Variants in FAM161A observed in about 807,000 individuals in gnomAD.
FAM161A encodes FAM161 centrosomal protein A.
In FAM161A, 57 loss-of-function variants were observed where a neutral mutation model predicts 70.9. The observed-to-expected ratio is 0.80, with a 90% CI of 0.65 to 1.00. The LOEUF is 1.00. Ranked by LOEUF, FAM161A falls within the 50% of genes least tolerant of loss-of-function variation. The pLI, the probability that FAM161A is intolerant of heterozygous loss-of-function variation, is 0.00. For synonymous variants in FAM161A, 299 were observed against 295.7 expected (o/e 1.01, Z -0.12); for missense variants, 880 against 836.0 (o/e 1.05, Z -0.65).
chr2:61,851,423 G>A (rs1052597388), intron 1 of FAM161A, among the ~76,000 whole-genome samples: 1 of 151,868 alleles, frequency 6.6e-6, no homozygotes, highest in South Asian at 2.1e-4. Flanking sequence ...TGCAACCTCC[G>A]CCTCCCGGGT....
chr2:61,814,837 T>G, the FAM161A span, among the ~76,000 whole-genome samples: 1 of 152,238 alleles, frequency 6.6e-6, no homozygotes, highest in South Asian at 2.1e-4. Context: ...TGCCAACCTC[T>G]TCTCCTTCAA....
the FAM161A span, among the ~76,000 whole-genome samples, chr2:61,815,599 G>A: frequency 7.3e-6 from 1 of 136,484 alleles, no homozygotes; most frequent in South Asian, 2.3e-4. Context: ...CACCCAGGCT[G>A]GAGTGCAGTG....
chr2:61,851,107 CA>C (rs772542587), intron 1 of FAM161A, among the ~76,000 whole-genome samples: 2 of 152,040 alleles, frequency 1.3e-5, no homozygotes, highest in African/African-American at 2.4e-5. Flanking sequence ...CTCCCAACCT[CA>C]GGTGATCCAC....
chr2:61,838,628 T>G lies in FAM161A; in HGVS notation c.1661A>C (p.Glu554Ala). 1 of 1,612,146 alleles carries G rather than the reference T, an allele frequency of 6.2e-7. No homozygotes were observed. Among genetic ancestry groups the G allele is most frequent in the Non-Finnish European group, 8.5e-7 (1 of 1,179,516 alleles). ...ILTKQKQRMKELQKLLTTRAK... is the reference protein window; with the variant it reads ...ILTKQKQRMKALQKLLTTRAK... ...CCGGGTTGTCAGGAGTTTCTGCAAT[T>G]CTTTCATTCTTTGCTTCTGTTTAGT... Residue 554 changes from glutamate to alanine, a missense_variant, in exon 4 of 7, where the codon GAA becomes GCA. By Grantham distance (107) the Glu-to-Ala change is moderately radical. Transcript: ENST00000404929.
At position 61,836,076 on chromosome 2, in the gene FAM161A, T is replaced by C. The variant is rs1266501595; in HGVS notation, c.1785A>G (p.Gln595=). ...KSEKERMREY[Q]RELEEREEKL... The stretch of plus-strand genomic sequence containing the variant: ...TTTCTTCTCTTTCTTCTAGTTCTCG[T>C]TGGTATTCTCTCATCCTTTCCTTTT... Residue 595 remains glutamine, a synonymous_variant, in exon 5 of 7, where the codon CAA becomes CAG. Transcript: ENST00000404929. The C allele has an allele frequency of 2.5e-6, 4 of 1,611,384 alleles. No individual in the cohort carries two copies. Among genetic ancestry groups the C allele is most frequent in the African/African-American group, 1.3e-5 (1 of 74,778 alleles).
chr2:61,835,923 A>C, intron 5 of FAM161A, 87 bp downstream of exon 5: 1 of 894,130 alleles, frequency 1.1e-6, no homozygotes, highest in Non-Finnish European at 1.8e-6. Context: ...ATAACACATA[A>C]GAAAAATGGA....
chr2:61,839,873 CTCT>C lies in FAM161A; in HGVS notation c.1128_1130del (p.Glu377del), dbSNP rs1218039364. On this transcript the variant is annotated inframe_deletion, in exon 3 of 7. Transcript: ENST00000404929. ...GCTGTGTCCTAAGGTTTCGATAGAG[CTCT>C]TCTTCTTTTAACTTGTCATTGGTAG... 2.0e-5 allele frequency: 33 copies of C among 1,614,092 alleles called. No homozygotes were observed. The highest frequency in any genetic ancestry group is 3.3e-4 in the Middle Eastern group (2 of 6,084).
chr2:61,832,156 G>A (rs1672598074), intron 5 of FAM161A, among the ~76,000 whole-genome samples: 1 of 150,608 alleles, frequency 6.6e-6, no homozygotes, highest in Non-Finnish European at 1.5e-5. Flanking sequence ...GAGGTGGGAA[G>A]ATTGCCTGAG....
At position 61,840,123 on chromosome 2, in the gene FAM161A, G is replaced by A. The variant is rs369599441; in HGVS notation, c.881C>T (p.Pro294Leu). 6.8e-6 allele frequency: 11 copies of A among 1,613,958 alleles called. No individual in the cohort carries two copies. The highest frequency in any genetic ancestry group is 7.6e-6 in the Non-Finnish European group (9 of 1,180,040). ...ANPVPASVFL[P>L]LYHDLVKQKE... ...TTGCTTGACTAAATCATGGTAAAGG[G>A]GGAGAAAGACAGATGCAGGAACTGG... The change falls in exon 3 of 7, where the codon CCC (proline) becomes CTC (leucine). Residue 294 changes from proline (P) to leucine (L), a missense_variant. By Grantham distance (98) the Pro-to-Leu change is moderately conservative. Coordinates refer to ENST00000404929, the MANE Select transcript of FAM161A (RefSeq NM_001201543.2).
downstream of FAM161A, chr2:61,820,349 C>T (rs774829862): frequency 1.1e-4 from 81 of 751,394 alleles, no homozygotes; most frequent in Admixed American, 4.3e-4. Context: ...GATCCCAACA[C>T]CAAGTGCTCC....
At chr2:61,826,730 A>T in intron 6 of FAM161A, 131 bp from the exon 7 acceptor site, 1 of 659,000 alleles carries the variant, frequency 1.5e-6, no homozygotes, top group Non-Finnish European at 2.2e-6. Context: ...TTACCAAGAC[A>T]ACTCAAAAAA....
chr2:61,838,752 T>C (rs1672869388), intron 3 of FAM161A, 47 bp from the exon 4 acceptor site: 2 of 1,375,732 alleles, frequency 1.5e-6, no homozygotes, highest in Admixed American at 2.6e-5. Flanking sequence ...CCAATCAGAA[T>C]GTTGTTTAGC....
the FAM161A span, among the ~76,000 whole-genome samples, chr2:61,811,753 GC>G: frequency 6.6e-6 from 1 of 151,914 alleles, no homozygotes; most frequent in Admixed American, 6.6e-5. Flanking sequence ...CAATCCTCCT[GC>G]CTCAACCTCC....
chr2:61,804,805 A>AG, the FAM161A span, among the ~76,000 whole-genome samples: 1 of 149,686 alleles, frequency 6.7e-6, no homozygotes, highest in African/African-American at 2.5e-5. Context: ...AAAGAAAGAA[A>AG]GAAAGAAAGA....
downstream of FAM161A, among the ~76,000 whole-genome samples, chr2:61,823,101 G>C (rs1019334377): frequency 2.0e-5 from 3 of 151,214 alleles, no homozygotes; most frequent in Non-Finnish European, 4.4e-5. Context: ...TTGGGAGGCC[G>C]AGGCAGATGG....
intron 1 of FAM161A, among the ~76,000 whole-genome samples, chr2:61,843,219 C>T (rs1263635662): frequency 6.6e-6 from 1 of 152,178 alleles, no homozygotes; most frequent in African/African-American, 2.4e-5. Context: ...TCTCAGCTCA[C>T]TGCAACCTCT....
At chr2:61,839,349 A>G in intron 3 of FAM161A, 72 bp downstream of exon 3, 2 of 1,394,748 alleles carry the variant, frequency 1.4e-6, no homozygotes, top group Non-Finnish European at 2.0e-6. Context: ...ATTTACCAAC[A>G]TAAACTCCAC....
At chr2:61,851,032 G>A (rs186836572) in intron 1 of FAM161A, among the ~76,000 whole-genome samples, 1 of 152,044 alleles carries the variant, frequency 6.6e-6, no homozygotes, top group African/African-American at 2.4e-5. Context: ...GTGCCACCAC[G>A]CCCGGCTAAT....
In FAM161A at chr2:61,830,545, A is replaced by T. The variant is rs182869386; in HGVS notation, c.1852-3287T>A. Reference sequence around the variant, plus strand: ...AAAATACAAAAAAAATTAGCCGGGCATGGTGGTGTGCACCTGTAATCCCAG... The same window carrying T: ...AAAATACAAAAAAAATTAGCCGGGCTTGGTGGTGTGCACCTGTAATCCCAG... On this transcript the variant is annotated intron_variant, in intron 5 of 6. Transcript: ENST00000404929. Among the ~76,000 whole-genome samples the T allele has an allele frequency of 1.7e-3, 252 of 151,890 alleles. 1 individual carries two copies. The highest frequency in any genetic ancestry group is 5.7e-3 in the African/African-American group (237 of 41,390).
Sources: allele counts gnomAD v4.1 joint callset (sites outside exome capture counted in the v4.1 genomes callset), GRCh38; gene constraint gnomAD v4.1.1; transcripts MANE v1.5; gene names NCBI Gene and HGNC (gene_info 2026-07-23, HGNC 2026-07-21).